Variants in PALM2AKAP2 observed in about 807,000 individuals in gnomAD.
PALM2AKAP2 encodes PALM2-AKAP2 fusion protein.
In PALM2AKAP2, 37 loss-of-function variants were observed where a neutral mutation model predicts 71.5. The observed-to-expected ratio is 0.52, with a 90% CI of 0.40 to 0.68. PALM2AKAP2 has a LOEUF of 0.68. Ranked by LOEUF, PALM2AKAP2 falls within the 30% of genes least tolerant of loss-of-function variation. The probability of loss-of-function intolerance (pLI) is 0.00; values close to 1 mark genes in which losing one functional copy is unlikely to be tolerated. For synonymous variants in PALM2AKAP2, 468 were observed against 478.8 expected, an observed-to-expected ratio of 0.98 and a Z score of 0.29; for missense variants, 1,224 against 1,191.8, an observed-to-expected ratio of 1.03 and a Z score of -0.40.
chr9:109,775,863 T>G (rs776124353), upstream of PALM2AKAP2, among the ~76,000 whole-genome samples: 2 of 152,232 alleles, frequency 1.3e-5, no homozygotes, highest in Non-Finnish European at 2.9e-5. Context: ...GATTCTGAAA[T>G]TTTTATTAAC....
At chr9:110,131,652 G>T (rs1265323488) in intron 1 of PALM2AKAP2, among the ~76,000 whole-genome samples, 1 of 152,168 alleles carries the variant, frequency 6.6e-6, no homozygotes, top group Admixed American at 6.5e-5. Flanking sequence ...AGGCCATCAT[G>T]CATGAAGGCA....
At chr9:110,128,623 T>A (rs1462894437) in intron 1 of PALM2AKAP2, among the ~76,000 whole-genome samples, 1 of 152,240 alleles carries the variant, frequency 6.6e-6, no homozygotes, top group African/African-American at 2.4e-5. Context: ...TTGTACAGCC[T>A]GATGTTTGAG....
chr9:110,009,787 G>T (rs958127135), intron 6 of PALM2AKAP2, among the ~76,000 whole-genome samples: 1 of 151,258 alleles, frequency 6.6e-6, no homozygotes, highest in African/African-American at 2.4e-5. Context: ...ATGGCTTCCT[G>T]CTACCAGCCC....
At chr9:109,763,938 G>T (rs1247065170) in intron 1 of PALM2AKAP2, among the ~76,000 whole-genome samples, 1 of 152,088 alleles carries the variant, frequency 6.6e-6, no homozygotes, top group Non-Finnish European at 1.5e-5. Flanking sequence ...TTAAATTCAG[G>T]ATGATTTATC....
At chr9:110,074,880 G>C (rs559969532) in intron 1 of PALM2AKAP2, among the ~76,000 whole-genome samples, 1 of 152,220 alleles carries the variant, frequency 6.6e-6, no homozygotes, top group African/African-American at 2.4e-5. Flanking sequence ...GCGTGTGCCT[G>C]TAATCCCAGC....
intron 1 of PALM2AKAP2, among the ~76,000 whole-genome samples, chr9:109,846,595 A>G (rs1828865839): frequency 6.6e-6 from 1 of 152,312 alleles, no homozygotes; most frequent in Middle Eastern, 3.4e-3. Context: ...TCTTCCCTCC[A>G]TGCTCTGGAC....
At chr9:109,867,368 T>C (rs1829480246) in intron 1 of PALM2AKAP2, 123 bp from the exon 2 acceptor site, 2 of 1,087,232 alleles carry the variant, frequency 1.8e-6, no homozygotes, top group Non-Finnish European at 2.7e-6. Context: ...ACACTGCGTG[T>C]GTGCCCGGTG....
chr9:109,873,157 C>T (rs1829644449), intron 2 of PALM2AKAP2, among the ~76,000 whole-genome samples: 1 of 152,176 alleles, frequency 6.6e-6, no homozygotes, highest in Non-Finnish European at 1.5e-5. Flanking sequence ...GTTTAACCCA[C>T]TTTCTGTTAG....
At chr9:109,995,030 T>C (rs1195364111) in intron 6 of PALM2AKAP2, among the ~76,000 whole-genome samples, 1 of 152,252 alleles carries the variant, frequency 6.6e-6, no homozygotes, top group African/African-American at 2.4e-5. Context: ...ATGATTACCC[T>C]AAAACCCTTC....
At chr9:110,038,066 G>A (rs1290004022) in intron 7 of PALM2AKAP2, among the ~76,000 whole-genome samples, 4 of 152,214 alleles carry the variant, frequency 2.6e-5, no homozygotes, top group Admixed American at 1.3e-4. Context: ...ACTGGGCACA[G>A]TCGCTCATGC....
intron 3 of PALM2AKAP2, among the ~76,000 whole-genome samples, chr9:109,896,243 G>C (rs959041754): frequency 1.3e-5 from 2 of 152,046 alleles, no homozygotes; most frequent in Non-Finnish European, 2.9e-5. Flanking sequence ...TCACTATCAC[G>C]AGAACAGTAT....
intron 2 of PALM2AKAP2, among the ~76,000 whole-genome samples, chr9:110,154,113 T>G (rs539444377): frequency 1.2e-4 from 18 of 152,328 alleles, no homozygotes; most frequent in Middle Eastern, 3.4e-3. Flanking sequence ...ATAGTCACAT[T>G]ATTCTTTGAG....
At chr9:109,861,829 C>T (rs1161531709) in intron 1 of PALM2AKAP2, among the ~76,000 whole-genome samples, 1 of 152,132 alleles carries the variant, frequency 6.6e-6, no homozygotes, top group Non-Finnish European at 1.5e-5. Flanking sequence ...GGACTGATGG[C>T]CAATGTGTTT....
chr9:109,821,566 GT>G (rs1382024721), intron 1 of PALM2AKAP2, among the ~76,000 whole-genome samples: 2 of 152,194 alleles, frequency 1.3e-5, no homozygotes, highest in Non-Finnish European at 1.5e-5. Context: ...AATATTTGAA[GT>G]GGTGGGAATA....
chr9:110,030,393 A>G (rs980754190), intron 7 of PALM2AKAP2, among the ~76,000 whole-genome samples: 14 of 152,182 alleles, frequency 9.2e-5, no homozygotes, highest in African/African-American at 2.7e-4. Context: ...ACCAGAAGTA[A>G]TTGTTTTCTT....
At position 109,806,824 on chromosome 9, in the gene PALM2AKAP2, G is replaced by A. The variant is rs150226642; in HGVS notation, c.45+26291G>A. Among the ~76,000 whole-genome samples, 9 of 152,296 alleles carry A rather than the reference G, an allele frequency of 5.9e-5. No homozygotes were observed. In the East Asian group the frequency reaches 1.4e-3, roughly 23 times the overall value. ...TGGTGGCTGGGGCTGGATTATGAAG[G>A]CATCTATATACCGTGGTAAGGATGT... On this transcript the variant is annotated intron_variant, in intron 1 of 9. Coordinates refer to the PALM2AKAP2 transcript ENST00000302798.
At chr9:109,769,327 A>G (rs1281716694) in intron 1 of PALM2AKAP2, among the ~76,000 whole-genome samples, 1 of 152,182 alleles carries the variant, frequency 6.6e-6, no homozygotes, top group Admixed American at 6.5e-5. Flanking sequence ...TTATTGGCTC[A>G]GAGGGCAAGT....
At chr9:109,814,853 A>G (rs1191196443) in intron 1 of PALM2AKAP2, among the ~76,000 whole-genome samples, 2 of 152,218 alleles carry the variant, frequency 1.3e-5, no homozygotes, top group South Asian at 2.1e-4. Context: ...AGAAAGAATG[A>G]TGGAGAGATG....
At chr9:109,949,108 G>A (rs574476509) in intron 6 of PALM2AKAP2, among the ~76,000 whole-genome samples, 4 of 152,354 alleles carry the variant, frequency 2.6e-5, no homozygotes, top group African/African-American at 9.6e-5. Flanking sequence ...GCTAAAGTGG[G>A]CATAGGTTGG....
Sources: allele counts gnomAD v4.1 joint callset (sites outside exome capture counted in the v4.1 genomes callset), GRCh38; gene constraint gnomAD v4.1.1; transcripts MANE v1.5; gene names NCBI Gene and HGNC (gene_info 2026-07-23, HGNC 2026-07-21).